GNA14: variants seen among roughly 807,000 people sequenced by gnomAD.
GNA14 encodes the protein guanine nucleotide-binding protein subunit alpha-14.
In GNA14, 50 loss-of-function variants were observed where a neutral mutation model predicts 42.0. That is an observed-to-expected ratio of 1.19 (90% CI 0.95 to 1.51). The LOEUF (loss-of-function observed/expected upper bound fraction) is 1.51, where lower values mean the gene tolerates loss of function less well. Among genes scored for constraint, GNA14 ranks in the 40% most tolerant of loss-of-function variants. The probability of loss-of-function intolerance (pLI) is 0.00; values close to 1 mark genes in which losing one functional copy is unlikely to be tolerated. For missense variants in GNA14, 473 were observed against 446.2 expected, an observed-to-expected ratio of 1.06 and a Z score of -0.54; for synonymous variants, 173 against 163.1, an observed-to-expected ratio of 1.06 and a Z score of -0.46.
At chr9:77,460,469 G>A (rs902986499) in intron 2 of GNA14, among the ~76,000 whole-genome samples, 7 of 152,208 alleles carry the variant, frequency 4.6e-5, no homozygotes, top group African/African-American at 1.7e-4. Context: ...AGAGAATAAA[G>A]TTCTGTTGTT....
chr9:77,634,688 C>A (rs996793359), intron 1 of GNA14, among the ~76,000 whole-genome samples: 32 of 152,216 alleles, frequency 2.1e-4, no homozygotes, highest in Admixed American at 1.1e-3. Flanking sequence ...CCAGCCCAGG[C>A]CTGTGTTCCT....
At chr9:77,503,871 G>A (rs959490870) in intron 2 of GNA14, among the ~76,000 whole-genome samples, 1 of 151,944 alleles carries the variant, frequency 6.6e-6, no homozygotes, top group African/African-American at 2.4e-5. Context: ...TAGTAGAGAT[G>A]GGGTTTCACC....
intron 1 of GNA14, among the ~76,000 whole-genome samples, chr9:77,569,055 A>G (rs1395025035): frequency 6.6e-6 from 1 of 151,936 alleles, no homozygotes; most frequent in African/African-American, 2.4e-5. Flanking sequence ...TTGATGAGAA[A>G]CCCAAGTCCC....
chr9:77,569,641 A>C (rs932119041), intron 1 of GNA14, among the ~76,000 whole-genome samples: 1 of 152,160 alleles, frequency 6.6e-6, no homozygotes, highest in African/African-American at 2.4e-5. Flanking sequence ...AGCCCAGGCT[A>C]TGTGGGGGCT....
intron 2 of GNA14, among the ~76,000 whole-genome samples, chr9:77,444,490 C>A (rs548568086): frequency 6.6e-6 from 1 of 152,306 alleles, no homozygotes; most frequent in South Asian, 2.1e-4. Context: ...CTTCATCCCC[C>A]CAGAATCCAC....
Position 77,442,308 on chromosome 9 carries a change from G to T in GNA14, c.310-7786C>A, listed in dbSNP as rs546196061. Among the ~76,000 whole-genome samples, 6 of 152,324 alleles carry T rather than the reference G, an allele frequency of 3.9e-5. No homozygotes were observed. In the East Asian group the frequency reaches 1.2e-3, roughly 29 times the overall value. ...AATCACTTGAACCTGGGAGGTGGAG[G>T]TTGCAGTGAGCTGAGATCACACAAT... On this transcript the variant is annotated intron_variant, in intron 2 of 6. Coordinates refer to ENST00000341700, the MANE Select transcript of GNA14 (RefSeq NM_004297.4).
chr9:77,445,944 G>A (rs1205811387), intron 2 of GNA14, among the ~76,000 whole-genome samples: 17 of 152,150 alleles, frequency 1.1e-4, no homozygotes, highest in Non-Finnish European at 4.4e-5. Context: ...GTCCAACTTA[G>A]CAAGAGGAAT....
chr9:77,460,460 G>A (rs1280152249), intron 2 of GNA14, among the ~76,000 whole-genome samples: 2 of 152,222 alleles, frequency 1.3e-5, no homozygotes, highest in Admixed American at 6.5e-5. Flanking sequence ...TGACCTCTGA[G>A]AGAATAAAGT....
At position 77,643,240 on chromosome 9, in the gene GNA14, AT is replaced by A. The variant is rs113345502; in HGVS notation, c.124+4429del. Among the ~76,000 whole-genome samples, 593 of 137,206 alleles carry A rather than the reference AT, an allele frequency of 4.3e-3. 1 individual carries two copies. Among genetic ancestry groups the A allele is most frequent in the African/African-American group, 6.4e-3 (243 of 37,728 alleles). The allele number at this position is 137,206 out of a possible 152,430, so 90.0% of individuals were successfully genotyped here. ...TTCTTCAGAGTGGGAAGGTGTTGTC[AT>A]TTTTTTTTTTTTTTTGAGACAGAGT... On this transcript the variant is annotated intron_variant, in intron 1 of 6. Coordinates refer to ENST00000341700, the MANE Select transcript of GNA14 (RefSeq NM_004297.4).
intron 1 of GNA14, among the ~76,000 whole-genome samples, chr9:77,536,491 C>G (rs1837600562): frequency 6.6e-6 from 1 of 152,178 alleles, no homozygotes; most frequent in Non-Finnish European, 1.5e-5. Context: ...GCTGGGATTA[C>G]AAGCATGCGC....
intron 1 of GNA14, among the ~76,000 whole-genome samples, chr9:77,554,646 A>C (rs1328546449): frequency 3.9e-5 from 6 of 152,202 alleles, no homozygotes; most frequent in African/African-American, 1.4e-4. Flanking sequence ...CTGTGTCAAA[A>C]CATTCTCTGA....
chr9:77,535,461 A>G lies in GNA14; in HGVS notation c.125-6208T>C, dbSNP rs544790759. ...CGTGAGGCTGAGGCAGGAGAATGGC[A>G]TGAACCCGGGAGGCAGAGGTTGCAC... On this transcript the variant is annotated intron_variant, in intron 1 of 6. Coordinates refer to ENST00000341700, the MANE Select transcript of GNA14 (RefSeq NM_004297.4). Among the ~76,000 whole-genome samples the G allele has an allele frequency of 3.9e-5, 6 of 152,252 alleles. No homozygotes were observed. The East Asian group carries it at 9.7e-4, about 25-fold the overall frequency.
chr9:77,425,762 T>C (rs781037395), intron 5 of GNA14, 47 bp from the exon 6 acceptor site: 1 of 1,439,492 alleles, frequency 6.9e-7, no homozygotes, highest in South Asian at 1.3e-5. Flanking sequence ...AGGAAATATT[T>C]TGGAAACAAC....
At chr9:77,549,169 A>T (rs572160541) in intron 1 of GNA14, among the ~76,000 whole-genome samples, 1 of 152,252 alleles carries the variant, frequency 6.6e-6, no homozygotes, top group East Asian at 1.9e-4. Flanking sequence ...TCCTGACCTT[A>T]TGATCCCGCC....
At chr9:77,482,576 T>C (rs557534874) in intron 2 of GNA14, among the ~76,000 whole-genome samples, 30 of 152,286 alleles carry the variant, frequency 2.0e-4, no homozygotes, top group African/African-American at 6.7e-4. Context: ...GAGTTCTCTG[T>C]ATTTCCTGAA....
chr9:77,490,495 G>C (rs984025286), intron 2 of GNA14, among the ~76,000 whole-genome samples: 5 of 152,260 alleles, frequency 3.3e-5, no homozygotes, highest in Non-Finnish European at 7.3e-5. Flanking sequence ...GGAAGGCTCA[G>C]GCATGGCGGG....
chr9:77,509,846 C>G (rs1429880503), intron 2 of GNA14, among the ~76,000 whole-genome samples: 1 of 152,190 alleles, frequency 6.6e-6, no homozygotes, highest in African/African-American at 2.4e-5. Flanking sequence ...CAAATTATCC[C>G]AGTGATCAAA....
At chr9:77,432,605 A>G (rs1197758539) in intron 3 of GNA14, among the ~76,000 whole-genome samples, 1 of 152,166 alleles carries the variant, frequency 6.6e-6, no homozygotes, top group African/African-American at 2.4e-5. Flanking sequence ...CAGATGGAGA[A>G]AACGTGCAAG....
At chr9:77,428,218 ACAGGCGCC>A (rs1835485677) in intron 5 of GNA14, among the ~76,000 whole-genome samples, 1 of 151,506 alleles carries the variant, frequency 6.6e-6, no homozygotes, top group African/African-American at 2.4e-5. Context: ...AGCTGGGACT[ACAGGCGCC>A]CACCACCACG....
Sources: allele counts gnomAD v4.1 joint callset (sites outside exome capture counted in the v4.1 genomes callset), GRCh38; gene constraint gnomAD v4.1.1; transcripts MANE v1.5; gene names NCBI Gene and HGNC (gene_info 2026-07-23, HGNC 2026-07-21).